GRM8: variants seen among roughly 807,000 people sequenced by gnomAD.
The protein encoded by GRM8 is glutamate metabotropic receptor 8, also known as metabotropic glutamate receptor 8.
GRM8 carries 47 observed loss-of-function variants against 87.2 expected under a neutral mutation model. The observed-to-expected ratio is 0.54, with a 90% CI of 0.43 to 0.69. The LOEUF is 0.69. Ranked by LOEUF, GRM8 falls within the 30% of genes least tolerant of loss-of-function variation. GRM8 has a pLI of 0.00. For missense variants in GRM8, 1,019 were observed against 1,139.2 expected, an observed-to-expected ratio of 0.89 and a Z score of 1.52; for synonymous variants, 396 against 404.5, an observed-to-expected ratio of 0.98 and a Z score of 0.25.
chr7:127,031,157 A>G (rs1817323345), intron 3 of GRM8, among the ~76,000 whole-genome samples: 1 of 152,098 alleles, frequency 6.6e-6, no homozygotes, highest in Admixed American at 6.5e-5. Context: ...TATGTAGATT[A>G]CTGTCAAATC....
chr7:126,904,775 G>C, intron 3 of GRM8, 92 bp from the exon 4 acceptor site: 1 of 1,093,444 alleles, frequency 9.1e-7, no homozygotes, highest in Non-Finnish European at 1.4e-6. Flanking sequence ...ACATACTTCT[G>C]TATGAATATT....
intron 7 of GRM8, among the ~76,000 whole-genome samples, chr7:126,619,636 A>G (rs1275188687): frequency 6.6e-6 from 1 of 152,138 alleles, no homozygotes; most frequent in Non-Finnish European, 1.5e-5. Context: ...TTCCTGTTTT[A>G]TTTCTCTCCA....
At chr7:126,731,337 T>C (rs1813560103) in intron 7 of GRM8, among the ~76,000 whole-genome samples, 2 of 152,130 alleles carry the variant, frequency 1.3e-5, no homozygotes, top group African/African-American at 4.8e-5. Context: ...GAATTAAATA[T>C]TTGCCCTGGA....
chr7:126,544,755 G>A (rs542311844), intron 8 of GRM8, among the ~76,000 whole-genome samples: 12 of 152,038 alleles, frequency 7.9e-5, no homozygotes, highest in East Asian at 5.8e-4. Context: ...TGATCCGCCC[G>A]CCTCGGCCTC....
Position 127,201,201 on chromosome 7 carries a change from ATAAC to A in GRM8, c.510+41490_510+41493del, listed in dbSNP as rs375153743. On this transcript the variant is annotated intron_variant, in intron 2 of 10. Coordinates refer to ENST00000339582, the MANE Select transcript of GRM8 (RefSeq NM_000845.3). ...GGGAAGGAAGCTTACCTTTTATCAA[ATAAC>A]TACTCTGTGCTAGATACTGTTACTA... 5.5e-4 allele frequency among the ~76,000 whole-genome samples: 84 copies of A among 152,342 alleles called. No individual in the cohort carries two copies. In the East Asian group the frequency reaches 0.013, roughly 24 times the overall value.
At chr7:127,002,597 C>T (rs1031207758) in intron 3 of GRM8, among the ~76,000 whole-genome samples, 3 of 151,572 alleles carry the variant, frequency 2.0e-5, no homozygotes, top group African/African-American at 7.3e-5. Context: ...AATTAGTAAA[C>T]CACTTTATCT....
intron 6 of GRM8, among the ~76,000 whole-genome samples, chr7:126,830,936 CTGCAGGTCTAT>C (rs1174027214): frequency 1.3e-5 from 2 of 152,216 alleles, no homozygotes; most frequent in African/African-American, 4.8e-5. Flanking sequence ...GGACCCTCAG[CTGCAGGTCTAT>C]TGGAGTTTGC....
At chr7:127,051,972 A>G (rs1302214964) in intron 3 of GRM8, among the ~76,000 whole-genome samples, 1 of 152,164 alleles carries the variant, frequency 6.6e-6, no homozygotes, top group Admixed American at 6.5e-5. Flanking sequence ...ATTTCTTCAA[A>G]TATCTAAAGA....
intron 9 of GRM8, among the ~76,000 whole-genome samples, chr7:126,458,262 G>A (rs1047649730): frequency 6.6e-6 from 1 of 151,090 alleles, no homozygotes; most frequent in East Asian, 2.0e-4. Flanking sequence ...TTTAAATACA[G>A]ATATTATCAG....
At chr7:126,902,155 T>G (rs1802149016) in intron 6 of GRM8, among the ~76,000 whole-genome samples, 1 of 152,198 alleles carries the variant, frequency 6.6e-6, no homozygotes, top group Admixed American at 6.5e-5. Flanking sequence ...TTAAAATAGT[T>G]GAAAAATACT....
intron 6 of GRM8, among the ~76,000 whole-genome samples, chr7:126,841,066 A>G (rs1327404122): frequency 3.9e-5 from 6 of 152,232 alleles, no homozygotes; most frequent in Admixed American, 1.3e-4. Flanking sequence ...ATGAGCCTTA[A>G]CTTCTCCTGC....
At chr7:126,839,482 T>G (rs558144216) in intron 6 of GRM8, among the ~76,000 whole-genome samples, 1 of 152,316 alleles carries the variant, frequency 6.6e-6, no homozygotes, top group Non-Finnish European at 1.5e-5. Context: ...TAGTCAGCTC[T>G]TCCTGAAGAT....
At chr7:126,811,196 T>C (rs555960300) in intron 6 of GRM8, among the ~76,000 whole-genome samples, 2 of 152,150 alleles carry the variant, frequency 1.3e-5, no homozygotes, top group African/African-American at 4.8e-5. Context: ...TGGCTTTATT[T>C]CTGGCTACTC....
intron 7 of GRM8, among the ~76,000 whole-genome samples, chr7:126,668,725 C>T (rs1806068049): frequency 6.6e-6 from 1 of 152,238 alleles, no homozygotes; most frequent in Non-Finnish European, 1.5e-5. Flanking sequence ...CATTTTTAAA[C>T]TGTTCTTTTT....
chr7:126,458,022 C>CAA lies in GRM8; in HGVS notation c.2431-11652_2431-11651dup, dbSNP rs536344446. 6.8e-3 allele frequency among the ~76,000 whole-genome samples: 925 copies of CAA among 136,322 alleles called. 6 individuals are homozygous for CAA. The highest frequency in any genetic ancestry group is 0.017 in the African/African-American group (624 of 36,920). The allele number at this position is 136,322 out of a possible 152,430, so 89.4% of individuals were successfully genotyped here. The stretch of plus-strand genomic sequence containing the variant: ...CAAATTACTTCTAAATGTTGTTAGC[C>CAA]AAAAAAAAAAATAAAGTGTATGTTT... On this transcript the variant is annotated intron_variant, in intron 9 of 10. Coordinates refer to ENST00000339582, the MANE Select transcript of GRM8 (RefSeq NM_000845.3).
chr7:126,863,309 G>T (rs541302063), intron 6 of GRM8, among the ~76,000 whole-genome samples: 1 of 151,940 alleles, frequency 6.6e-6, no homozygotes, highest in Non-Finnish European at 1.5e-5. Flanking sequence ...CTTATTTCAT[G>T]GAATTTTGTG....
At chr7:127,040,026 AGGGAGGGG>A (rs1818261093) in intron 3 of GRM8, among the ~76,000 whole-genome samples, 1 of 27,948 alleles carries the variant, frequency 3.6e-5, no homozygotes, top group Non-Finnish European at 8.1e-5. Context: ...GAGGGTGAGG[AGGGAGGGG>A]AGGGTGAGGA....
intron 7 of GRM8, among the ~76,000 whole-genome samples, chr7:126,754,256 T>G (rs538241619): frequency 6.6e-6 from 1 of 151,874 alleles, no homozygotes; most frequent in Non-Finnish European, 1.5e-5. Context: ...GAATGCAGTA[T>G]TTAAAAACCT....
intron 9 of GRM8, among the ~76,000 whole-genome samples, chr7:126,477,569 A>AAGAAAGAG (rs1401609268): frequency 8.6e-5 from 9 of 104,544 alleles, no homozygotes; most frequent in African/African-American, 3.0e-4. Context: ...AAGAGAAAGA[A>AAGAAAGAG]AGAAAGAAAG....
Sources: allele counts gnomAD v4.1 joint callset (sites outside exome capture counted in the v4.1 genomes callset), GRCh38; gene constraint gnomAD v4.1.1; transcripts MANE v1.5; gene names NCBI Gene and HGNC (gene_info 2026-07-23, HGNC 2026-07-21).